PTCD3: variants seen among roughly 807,000 people sequenced by gnomAD.
The protein encoded by PTCD3 is small ribosomal subunit protein mS39.
Under a neutral mutation model 101.9 loss-of-function variants are expected in PTCD3, and 89 were observed. The observed-to-expected ratio is 0.87, with a 90% CI of 0.74 to 1.04. The LOEUF (loss-of-function observed/expected upper bound fraction) is 1.04. PTCD3 is among the 50% of genes least tolerant of loss of function. The pLI is 0.00. For missense variants in PTCD3, 870 were observed against 828.2 expected (o/e 1.05, Z -0.62); for synonymous variants, 296 against 278.5 (o/e 1.06, Z -0.63).
chr2:86,121,054 A>G (rs1187818082), intron 7 of PTCD3, among the ~76,000 whole-genome samples: 1 of 152,180 alleles, frequency 6.6e-6, no homozygotes, highest in African/African-American at 2.4e-5. Context: ...TTATGCTAGT[A>G]TTTCTAGGCA....
chr2:86,120,062 A>G (rs1573851609), intron 7 of PTCD3, among the ~76,000 whole-genome samples: 1 of 152,232 alleles, frequency 6.6e-6, no homozygotes, highest in Non-Finnish European at 1.5e-5. Context: ...GCAGAAAGCT[A>G]TGTTTGAGAA....
rs1674283180 is a variant in PTCD3, at chr2:86,121,592, T to C, written c.652T>C (p.Leu218=). 1 of 1,587,890 alleles carries C rather than the reference T, an allele frequency of 6.3e-7. No individual in the cohort carries two copies. Among genetic ancestry groups the C allele is most frequent in the East Asian group, 2.2e-5 (1 of 44,720 alleles). The change falls in exon 8 of 24, where the codon TTG becomes CTG. Residue 218 remains leucine, a splice_region_variant and synonymous_variant. Coordinates refer to ENST00000254630, the MANE Select transcript of PTCD3 (RefSeq NM_017952.6). Reference sequence around the variant, plus strand: ...TCAACAAACTGGACAGTCAGAAGCATTGGTAATAACTGTTGGCCTTGATTT... The same window carrying C: ...TCAACAAACTGGACAGTCAGAAGCACTGGTAATAACTGTTGGCCTTGATTT... The part of the protein sequence containing the change: ...HFQQTGQSEA[L]EEENDETSRR...
intron 4 of PTCD3, among the ~76,000 whole-genome samples, chr2:86,113,197 A>C (rs1315058151): frequency 6.6e-6 from 1 of 152,196 alleles, no homozygotes; most frequent in Non-Finnish European, 1.5e-5. Context: ...TTCTTGGTAC[A>C]TTGTATTTTG....
At chr2:86,106,974 A>C (rs1001014792) in intron 1 of PTCD3, 19 of 362,450 alleles carry the variant, frequency 5.2e-5, no homozygotes, top group Non-Finnish European at 8.4e-5. Context: ...TTTTAGGTTT[A>C]GTGTTTGCCA....
chr2:86,125,835 A>T lies in PTCD3; in HGVS notation c.906A>T (p.Val302=), dbSNP rs754924931. 192 of 1,609,602 alleles carry T rather than the reference A, an allele frequency of 1.2e-4. No individual in the cohort carries two copies. The highest frequency in any genetic ancestry group is 1.4e-4 in the Non-Finnish European group (165 of 1,176,080). ...YTFNALIEAT[V]CAINEKFEEK... is the part of the protein sequence containing the mutation. Reference sequence around the variant, plus strand: ...TTAATGCATTGATTGAAGCAACAGTATGTGCGATAAATGAGAAATTTGAGG... The same window carrying T: ...TTAATGCATTGATTGAAGCAACAGTTTGTGCGATAAATGAGAAATTTGAGG... The change falls in exon 12 of 24, where the codon GTA becomes GTT. Residue 302 remains valine (V), a synonymous_variant. Transcript: ENST00000254630.
intron 13 of PTCD3, 192 bp from the exon 14 acceptor site, chr2:86,127,749 A>G: frequency 1.7e-6 from 1 of 584,928 alleles, no homozygotes; most frequent in Non-Finnish European, 3.0e-6. Flanking sequence ...AAAAAGTGAT[A>G]CAGTCTTTGT....
At chr2:86,129,904 C>G (rs1674465155) in intron 14 of PTCD3, among the ~76,000 whole-genome samples, 1 of 147,862 alleles carries the variant, frequency 6.8e-6, no homozygotes, top group Non-Finnish European at 1.5e-5. Context: ...TATTAGTGCT[C>G]AGTTCATGTT....
intron 1 of PTCD3, among the ~76,000 whole-genome samples, chr2:86,106,768 T>A (rs572483620): frequency 6.6e-6 from 1 of 152,352 alleles, no homozygotes; most frequent in African/African-American, 2.4e-5. Flanking sequence ...GTGGGGACTT[T>A]GGCTAAAGAA....
In PTCD3 at chr2:86,126,027, G is replaced by T. The variant is rs3731820; in HGVS notation, c.951+147G>T. The T allele has an allele frequency of 5.9e-6, 3 of 508,508 alleles. No homozygotes were observed. In the East Asian group the frequency reaches 1.0e-4, roughly 18 times the overall value. The allele number at this position is 508,508 out of a possible 1,614,324, so 31.5% of individuals were successfully genotyped here. A position where few individuals can be genotyped will look rare whatever the true frequency, so the allele number is the denominator to read the frequency against. On this transcript the variant is annotated intron_variant, in intron 12 of 23. Transcript: ENST00000254630. Reference sequence around the variant, plus strand: ...GGCAGATCACCTGAGGCCAGGAGTTGGAGACCAGCCTGGCCAACATGGTGA... The same window carrying T: ...GGCAGATCACCTGAGGCCAGGAGTTTGAGACCAGCCTGGCCAACATGGTGA...
rs114253176 is a variant in PTCD3 at position 86,128,570 on chromosome 2, G to A, written c.1147+579G>A. 8.2e-3 allele frequency among the ~76,000 whole-genome samples: 1,248 copies of A among 152,240 alleles called. 22 individuals are homozygous for A. The highest frequency in any genetic ancestry group is 0.028 in the African/African-American group (1,144 of 41,542). On this transcript the variant is annotated intron_variant, in intron 14 of 23. Coordinates refer to ENST00000254630, the MANE Select transcript of PTCD3 (RefSeq NM_017952.6). ...ATGTGTCTAGTGGCTACCATGTGTC[G>A]TGATGCAGATTCAGAACATTTCCAT...
Position 86,116,544 on chromosome 2 carries a change from G to T in PTCD3, c.255G>T (p.Val85=), listed in dbSNP as rs1363044997. The change falls in exon 5 of 24, where the codon GTG becomes GTT. Residue 85 remains valine, a synonymous_variant. Coordinates refer to ENST00000254630, the MANE Select transcript of PTCD3 (RefSeq NM_017952.6). ...ASTVNRDTTA[V]PYVFQDDPYL... ...CTTTTCCACAGGATACCACAGCTGT[G>T]CCTTATGTGTTTCAAGATGATCCTT... is the stretch of plus-strand genomic sequence containing the variant. The T allele has an allele frequency of 6.2e-7, 1 of 1,609,360 alleles. No homozygotes were observed. The highest frequency in any genetic ancestry group is 2.2e-5 in the East Asian group (1 of 44,868).
rs745786327 is a variant in PTCD3, at chr2:86,130,683, GAT to G, written c.1187_1188del (p.Ile396AsnfsTer3). On this transcript the variant is annotated frameshift_variant, in exon 15 of 24. Transcript: ENST00000254630. LOFTEE classifies it high-confidence loss of function. ...AAAGAGATCATCCTTCATCATTTATGATATAATGAATGAATTAATGGGAAAGA... is the reference window on the plus strand; with the variant it reads ...AAAGAGATCATCCTTCATCATTTATGATAATGAATGAATTAATGGGAAAGA... ...PLKRSSFIIY[D>X]IMNELMGKRF... 1 of 1,613,616 alleles carries G rather than the reference GAT, an allele frequency of 6.2e-7. No individual in the cohort carries two copies. The highest frequency in any genetic ancestry group is 2.2e-5 in the East Asian group (1 of 44,860).
At position 86,125,059 on chromosome 2, in the gene PTCD3, A is replaced by T; in HGVS notation, c.781A>T (p.Thr261Ser). 6.2e-7 allele frequency: 1 copy of T among 1,614,086 alleles called. No individual in the cohort carries two copies. The highest frequency in any genetic ancestry group is 8.5e-7 in the Non-Finnish European group (1 of 1,180,022). ...AGAGAAAAATGAACATTCCTATTGCACAATGATCCGAGGAATGGTGAAGGT... is the reference window on the plus strand; with the variant it reads ...AGAGAAAAATGAACATTCCTATTGCTCAATGATCCGAGGAATGGTGAAGGT... ...MPEKNEHSYC[T>S]MIRGMVKHRA... Residue 261 changes from threonine to serine, a missense_variant, in exon 10 of 24, where the codon ACA becomes TCA. Transcript: ENST00000254630.
intron 4 of PTCD3, among the ~76,000 whole-genome samples, chr2:86,115,131 G>C (rs889956649): frequency 6.6e-6 from 1 of 152,164 alleles, no homozygotes; most frequent in Admixed American, 6.6e-5. Context: ...GCAGTTCTAG[G>C]AATGGTGAGA....
intron 4 of PTCD3, among the ~76,000 whole-genome samples, chr2:86,114,433 G>T (rs1002578753): frequency 6.6e-6 from 1 of 152,008 alleles, no homozygotes; most frequent in African/African-American, 2.4e-5. Flanking sequence ...GACTACAGGC[G>T]CCCCCACCCC....
At chr2:86,128,065 T>G (rs1163777531) in intron 14 of PTCD3, 74 bp downstream of exon 14, 1 of 1,204,436 alleles carries the variant, frequency 8.3e-7, no homozygotes, top group South Asian at 1.2e-5. Context: ...TGATTAATTG[T>G]TGTAGTTATC....
intron 20 of PTCD3, 83 bp from the exon 21 acceptor site, chr2:86,134,756 T>C (rs1674552890): frequency 9.4e-6 from 14 of 1,482,564 alleles, no homozygotes; most frequent in Non-Finnish European, 1.1e-5. Context: ...ATTGCTCAGA[T>C]TTTAAGGATC....
rs1018033900 is a variant in PTCD3, at chr2:86,106,369, T to C, written c.104+18T>C. 1.2e-6 allele frequency: 2 copies of C among 1,609,650 alleles called. No homozygotes were observed. The highest frequency in any genetic ancestry group is 2.2e-5 in the South Asian group (2 of 90,810). ...AGCTGCAGGTAAGAGACGCTTAGGG[T>C]ATCCGCGAAGAAGACCGCGGAGTCA... On this transcript the variant is annotated intron_variant, in intron 1 of 23. Transcript: ENST00000254630.
At chr2:86,109,279 C>A (rs186504170) in intron 3 of PTCD3, among the ~76,000 whole-genome samples, 1 of 151,896 alleles carries the variant, frequency 6.6e-6, no homozygotes, top group Non-Finnish European at 1.5e-5. Context: ...GGTGGGGGGT[C>A]GCCTGTAGTC....
Sources: allele counts gnomAD v4.1 joint callset (sites outside exome capture counted in the v4.1 genomes callset), GRCh38; gene constraint gnomAD v4.1.1; transcripts MANE v1.5; gene names NCBI Gene and HGNC (gene_info 2026-07-23, HGNC 2026-07-21).